CHKA: variants seen among roughly 807,000 people sequenced by gnomAD.
CHKA encodes choline kinase alpha.
CHKA carries 34 observed loss-of-function variants against 60.1 expected under a neutral mutation model. The ratio of observed to expected loss-of-function variants is 0.57; its 90% CI spans 0.43 to 0.75. The LOEUF (loss-of-function observed/expected upper bound fraction) is 0.75. CHKA is among the 30% of genes least tolerant of loss of function. The pLI is 0.00. For missense variants in CHKA, 563 were observed against 561.3 expected (o/e 1.00, Z -0.03); for synonymous variants, 217 against 223.1 (o/e 0.97, Z 0.24).
chr11:68,118,416 G>A (rs762517467), intron 1 of CHKA, among the ~76,000 whole-genome samples: 1 of 152,086 alleles, frequency 6.6e-6, no homozygotes, highest in Admixed American at 6.6e-5. Context: ...ACTCCAGCCT[G>A]CGCGACAGAG....
intron 1 of CHKA, among the ~76,000 whole-genome samples, chr11:68,111,939 G>A (rs1247619046): frequency 6.7e-6 from 1 of 149,912 alleles, no homozygotes; most frequent in African/African-American, 2.5e-5. Flanking sequence ...TGTAATCCCA[G>A]CTACTCAGGA....
At chr11:68,114,780 C>T (rs1382108042) in intron 1 of CHKA, among the ~76,000 whole-genome samples, 1 of 99,940 alleles carries the variant, frequency 1.0e-5, no homozygotes, top group Non-Finnish European at 2.2e-5. Context: ...AAAAGCCAAA[C>T]TGAAAAGACT....
intron 11 of CHKA, among the ~76,000 whole-genome samples, chr11:68,055,085 T>C (rs968646299): frequency 1.3e-5 from 2 of 152,148 alleles, no homozygotes; most frequent in African/African-American, 4.8e-5. Flanking sequence ...TGCTTCCAGT[T>C]TGGGACGATT....
At position 68,053,387 on chromosome 11, in the gene CHKA, T is replaced by G. The variant is rs1855873099; in HGVS notation, c.*601A>C. On this transcript the variant is annotated 3_prime_UTR_variant, in exon 12 of 12. Transcript: ENST00000265689. ...GAGGGGAGAGCTCTGCTCCACACGC[T>G]GGCGGCCTTGGCTGCTCCAGAGCAA... 1 of 152,850 alleles carries G rather than the reference T, an allele frequency of 6.5e-6. No individual in the cohort carries two copies. Among genetic ancestry groups the G allele is most frequent in the South Asian group, 2.1e-4 (1 of 4,868 alleles). 9.5% of individuals were successfully genotyped at this position (152,850 alleles called of 1,614,324 possible).
At chr11:68,098,271 CAAAA>C (rs57972693) in intron 1 of CHKA, among the ~76,000 whole-genome samples, 1 of 120,736 alleles carries the variant, frequency 8.3e-6, no homozygotes, top group Admixed American at 8.6e-5. Context: ...ACTCCTATCT[CAAAA>C]AAAAAAAAAA....
chr11:68,114,425 CAG>C (rs1479153265), intron 1 of CHKA, among the ~76,000 whole-genome samples: 1 of 152,174 alleles, frequency 6.6e-6, no homozygotes, highest in Non-Finnish European at 1.5e-5. Flanking sequence ...AGGCTGGGCA[CAG>C]GGGCTCACCC....
intron 2 of CHKA, among the ~76,000 whole-genome samples, chr11:68,082,731 T>C (rs1310591412): frequency 6.6e-6 from 1 of 152,254 alleles, no homozygotes; most frequent in Non-Finnish European, 1.5e-5. Flanking sequence ...TTCATAAATC[T>C]ATTTGCAAAA....
At chr11:68,104,327 G>C (rs1275493938) in intron 1 of CHKA, among the ~76,000 whole-genome samples, 1 of 152,106 alleles carries the variant, frequency 6.6e-6, no homozygotes, top group Non-Finnish European at 1.5e-5. Context: ...AGAGGCGAGG[G>C]GAGGGGAGAC....
intron 1 of CHKA, among the ~76,000 whole-genome samples, chr11:68,106,159 T>C (rs1857906987): frequency 1.3e-5 from 2 of 152,110 alleles, no homozygotes; most frequent in Non-Finnish European, 2.9e-5. Context: ...AAAAAAACAG[T>C]GCTGCAGTAA....
chr11:68,114,711 A>AAAG lies in CHKA; in HGVS notation c.350+6114_350+6116dup, dbSNP rs1307837893. Among the ~76,000 whole-genome samples the AAAG allele has an allele frequency of 3.8e-4, 58 of 152,100 alleles. No individual in the cohort carries two copies. The East Asian group carries it at 8.1e-3, about 21-fold the overall frequency. On this transcript the variant is annotated intron_variant, in intron 1 of 11. Coordinates refer to ENST00000265689, the MANE Select transcript of CHKA (RefSeq NM_001277.3). ...GACTCTGTCTCGGGAAAAAAAAAAA[A>AAAG]AAGAAGAAGAAAAGACAAGACAAGA...
chr11:68,068,425 T>G (rs1856511698), intron 7 of CHKA, among the ~76,000 whole-genome samples: 1 of 152,072 alleles, frequency 6.6e-6, no homozygotes, highest in African/African-American at 2.4e-5. Context: ...CATGTAATTT[T>G]TTTTTTTTTT....
chr11:68,071,889 G>A (rs2134546193), intron 4 of CHKA, among the ~76,000 whole-genome samples: 1 of 152,296 alleles, frequency 6.6e-6, no homozygotes, highest in Non-Finnish European at 1.5e-5. Flanking sequence ...AGAGCTAAGA[G>A]CTCACTGTAA....
intron 11 of CHKA, among the ~76,000 whole-genome samples, chr11:68,060,222 C>G (rs1023677478): frequency 1.3e-5 from 2 of 150,688 alleles, no homozygotes; most frequent in African/African-American, 4.9e-5. Context: ...TTAGTAGAGA[C>G]GGGGTTTCAC....
chr11:68,056,069 G>A (rs1272226216), intron 11 of CHKA, among the ~76,000 whole-genome samples: 2 of 151,914 alleles, frequency 1.3e-5, no homozygotes, highest in African/African-American at 4.8e-5. Context: ...TAATGAAGCA[G>A]GCTGTTTGGT....
At chr11:68,070,603 C>T (rs958658301) in intron 5 of CHKA, 121 bp downstream of exon 5, 36 of 1,043,646 alleles carry the variant, frequency 3.4e-5, no homozygotes, top group Non-Finnish European at 4.9e-5. Context: ...CCAGCTGACA[C>T]CCTGCACTTC....
At chr11:68,078,447 CA>C (rs35053057) in intron 3 of CHKA, among the ~76,000 whole-genome samples, 1 of 151,482 alleles carries the variant, frequency 6.6e-6, no homozygotes, top group South Asian at 2.1e-4. Flanking sequence ...CTGTTGGTGA[CA>C]AAAAAAAGAA....
At chr11:68,074,962 AT>A (rs1856740413) in intron 3 of CHKA, 132 bp from the exon 4 acceptor site, 1 of 736,800 alleles carries the variant, frequency 1.4e-6, no homozygotes, top group South Asian at 1.7e-5. Flanking sequence ...TGTTATCATC[AT>A]CCCCATTTTA....
intron 4 of CHKA, among the ~76,000 whole-genome samples, chr11:68,073,283 C>T (rs1436521686): frequency 3.3e-5 from 5 of 152,184 alleles, no homozygotes; most frequent in Non-Finnish European, 7.3e-5. Flanking sequence ...GATCATTCAA[C>T]ATTATGTTTG....
chr11:68,095,709 A>AAC (rs1857483636), intron 2 of CHKA, among the ~76,000 whole-genome samples: 2 of 57,250 alleles, frequency 3.5e-5, no homozygotes, highest in Non-Finnish European at 7.1e-5. Context: ...ACTCCGTCGC[A>AAC]AAAAAAAAAA....
Sources: gnomAD v4.1 joint callset for allele counts (sites outside exome capture counted in the v4.1 genomes callset) on GRCh38, gnomAD v4.1.1 for gene constraint, MANE v1.5 for transcripts, NCBI Gene and HGNC (gene_info 2026-07-23, HGNC 2026-07-21) for gene names.